The following PTPRB variants were observed in gnomAD, a reference collection of about 807,000 sequenced individuals.
PTPRB encodes the protein protein tyrosine phosphatase receptor type B, also known as receptor-type tyrosine-protein phosphatase beta.
In PTPRB, 97 loss-of-function variants were observed where a neutral mutation model predicts 238.1. The ratio of observed to expected loss-of-function variants is 0.41; its 90% CI spans 0.35 to 0.48. The LOEUF (loss-of-function observed/expected upper bound fraction) is 0.48. Ranked by LOEUF, PTPRB falls within the 20% of genes least tolerant of loss-of-function variation. The pLI, the probability that PTPRB is intolerant of heterozygous loss-of-function variation, is 0.30. For synonymous variants in PTPRB, 970 were observed against 995.4 expected, an observed-to-expected ratio of 0.97 and a Z score of 0.48; for missense variants, 2,292 against 2,681.9, an observed-to-expected ratio of 0.85 and a Z score of 3.21.
At chr12:70,534,442 A>T (rs767806443) in intron 31 of PTPRB, 46 bp downstream of exon 31, 3 of 1,590,626 alleles carry the variant, frequency 1.9e-6, no homozygotes, top group Non-Finnish European at 2.6e-6. Flanking sequence ...CCCAGGCACA[A>T]CCCCCTTATG....
intron 7 of PTPRB, among the ~76,000 whole-genome samples, chr12:70,590,897 C>T (rs1882425549): frequency 6.8e-6 from 1 of 147,230 alleles, no homozygotes; most frequent in South Asian, 2.2e-4. Flanking sequence ...ACAAACGTTA[C>T]ATTTTTTAGG....
chr12:70,558,778 T>A (rs748732299), intron 18 of PTPRB: 72 of 158,584 alleles, frequency 4.5e-4, no homozygotes, highest in Middle Eastern at 3.4e-3. Flanking sequence ...CAAAATAAAG[T>A]TCAAAGTAGT....
chr12:70,596,776 A>T (rs1883063217), intron 4 of PTPRB, among the ~76,000 whole-genome samples: 1 of 152,148 alleles, frequency 6.6e-6, no homozygotes, highest in Admixed American at 6.5e-5. Flanking sequence ...TAGGTTGTAG[A>T]TTGTTGGTGT....
At chr12:70,532,195 T>A in intron 31 of PTPRB, 25 bp from the exon 32 acceptor site, 1 of 1,541,856 alleles carries the variant, frequency 6.5e-7, no homozygotes, top group East Asian at 2.4e-5. Flanking sequence ...AAAGGAAGAT[T>A]GAGCCTTTTT....
chr12:70,559,764 G>A (rs1878222783), intron 17 of PTPRB, 140 bp from the exon 18 acceptor site: 1 of 814,562 alleles, frequency 1.2e-6, no homozygotes, highest in Non-Finnish European at 1.9e-6. Context: ...AGTAGCAGGA[G>A]CTTTCATTAA....
At chr12:70,594,443 T>C (rs1488222912) in intron 6 of PTPRB, 24 bp downstream of exon 6, 2 of 1,609,352 alleles carry the variant, frequency 1.2e-6, no homozygotes, top group Non-Finnish European at 1.7e-6. Context: ...TTTATTCTTC[T>C]TCAGCTAGCT....
chr12:70,635,579 A>G (rs1398478462), intron 2 of PTPRB, 92 bp downstream of exon 2: 1 of 1,395,128 alleles, frequency 7.2e-7, no homozygotes, highest in African/African-American at 1.7e-5. Context: ...GACTTCCCTT[A>G]AATGTAAAAC....
chr12:70,541,569 A>G (rs1276009717), intron 22 of PTPRB: 6 of 152,234 alleles, frequency 3.9e-5, no homozygotes, highest in Admixed American at 6.5e-5. Context: ...ATTTTAAAAC[A>G]TTTTCATCAC....
intron 31 of PTPRB, 58 bp downstream of exon 31, chr12:70,534,430 C>T: frequency 6.4e-7 from 1 of 1,561,766 alleles, no homozygotes; most frequent in African/African-American, 1.4e-5. Context: ...TTTTTCCAGA[C>T]TCCCAGGCAC....
chr12:70,525,372 A>G (rs1872274864), intron 32 of PTPRB: 1 of 152,182 alleles, frequency 6.6e-6, no homozygotes, highest in South Asian at 2.1e-4. Flanking sequence ...AGATAGTGAA[A>G]AAAAGGAGGT....
rs909043787 is a variant in PTPRB at position 70,523,064 on chromosome 12, T to C, written c.6625+1407A>G. 7.3e-4 allele frequency among the ~76,000 whole-genome samples: 111 copies of C among 151,952 alleles called. 1 individual carries two copies. The highest frequency in any genetic ancestry group is 2.5e-3 in the African/African-American group (102 of 41,404). On this transcript the variant is annotated intron_variant, in intron 33 of 33. Transcript: ENST00000334414. Reference sequence around the variant, plus strand: ...TTTTAGTAGAGATGGGGTTTCGTCATGTTGGCCAGGCTGGTCTTGAGCTCC... The same window carrying C: ...TTTTAGTAGAGATGGGGTTTCGTCACGTTGGCCAGGCTGGTCTTGAGCTCC...
intron 21 of PTPRB, among the ~76,000 whole-genome samples, chr12:70,547,536 T>G (rs1876185331): frequency 6.7e-6 from 1 of 149,984 alleles, no homozygotes; most frequent in Admixed American, 6.6e-5. Flanking sequence ...TTTTTTTTTT[T>G]TTTTTTGAGA....
rs1418511122 is a variant in PTPRB at position 70,519,930 on chromosome 12, C to CTATT, written c.*1555_*1558dup. ...TGTAGAGTTATTTAATTATAAAGAACTATTTTAGGTATAGTCAATGATTTT... is the reference window on the plus strand; with the variant it reads ...TGTAGAGTTATTTAATTATAAAGAACTATTTATTTTAGGTATAGTCAATGATTTT... On this transcript the variant is annotated 3_prime_UTR_variant, in exon 34 of 34. Coordinates refer to ENST00000334414, the MANE Select transcript of PTPRB (RefSeq NM_001109754.4). 2.3e-5 allele frequency: 4 copies of CTATT among 173,126 alleles called. No individual in the cohort carries two copies. The highest frequency in any genetic ancestry group is 9.6e-5 in the African/African-American group (4 of 41,706). 10.7% of individuals were successfully genotyped at this position (173,126 alleles called of 1,614,324 possible). A position where few individuals can be genotyped will look rare whatever the true frequency, so the allele number is the denominator to read the frequency against.
intron 8 of PTPRB, among the ~76,000 whole-genome samples, chr12:70,588,109 A>AG (rs1555232482): frequency 1.2e-4 from 17 of 136,968 alleles, no homozygotes; most frequent in Non-Finnish European, 2.5e-4. Context: ...AAAAAAAAAA[A>AG]AAAAGAAAAG....
chr12:70,534,127 A>C lies in PTPRB; in HGVS notation c.6368+361T>G, dbSNP rs1363811359. On this transcript the variant is annotated intron_variant, in intron 31 of 33. Coordinates refer to ENST00000334414, the MANE Select transcript of PTPRB (RefSeq NM_001109754.4). ...CTTGTGTGCTCACTTTCCTGGCTAGAATGTGAAGGGAGTTATTGGGAACTT... is the reference window on the plus strand; with the variant it reads ...CTTGTGTGCTCACTTTCCTGGCTAGCATGTGAAGGGAGTTATTGGGAACTT... Among the ~76,000 whole-genome samples the C allele has an allele frequency of 2.6e-5, 4 of 152,184 alleles. No homozygotes were observed. In the East Asian group the frequency reaches 5.8e-4, roughly 22 times the overall value.
chr12:70,547,019 T>C (rs1261036051), intron 21 of PTPRB, among the ~76,000 whole-genome samples: 1 of 151,790 alleles, frequency 6.6e-6, no homozygotes, highest in Non-Finnish European at 1.5e-5. Context: ...TTTTTTTTTT[T>C]GTTTTTGTTT....
intron 3 of PTPRB, among the ~76,000 whole-genome samples, chr12:70,618,747 TAATAC>T (rs1884788059): frequency 6.6e-6 from 1 of 152,244 alleles, no homozygotes; most frequent in African/African-American, 2.4e-5. Flanking sequence ...GCAATCCACA[TAATAC>T]TATTTATAAA....
chr12:70,622,873 G>A (rs1311729710), intron 2 of PTPRB, among the ~76,000 whole-genome samples: 2 of 151,080 alleles, frequency 1.3e-5, no homozygotes, highest in Admixed American at 1.3e-4. Flanking sequence ...TGGAAGGAAA[G>A]TTGTAGAAAC....
intron 3 of PTPRB, among the ~76,000 whole-genome samples, chr12:70,615,855 T>A (rs1372561): frequency 0.05 from 7,619 of 152,118 alleles, 229 homozygotes; most frequent in African/African-American, 0.079. Context: ...GAAAAGGAAA[T>A]CAAAAACAGT....
Sources: gnomAD v4.1 joint callset for allele counts (sites outside exome capture counted in the v4.1 genomes callset) on GRCh38, gnomAD v4.1.1 for gene constraint, MANE v1.5 for transcripts, NCBI Gene and HGNC (gene_info 2026-07-23, HGNC 2026-07-21) for gene names.